Variants in GOLGA2 observed in about 807,000 individuals in gnomAD.
GOLGA2 encodes the protein golgin A2.
GOLGA2 carries 49 observed loss-of-function variants against 148.8 expected under a neutral mutation model. The ratio of observed to expected loss-of-function variants is 0.33; its 90% CI spans 0.26 to 0.42. GOLGA2 has a LOEUF of 0.42. GOLGA2 is among the 10% of genes least tolerant of loss of function. The pLI, the probability that GOLGA2 is intolerant of heterozygous loss-of-function variation, is 1.00. For synonymous variants in GOLGA2, 501 were observed against 511.8 expected, an observed-to-expected ratio of 0.98 and a Z score of 0.28; for missense variants, 1,178 against 1,304.6, an observed-to-expected ratio of 0.90 and a Z score of 1.49.
chr9:128,274,414 G>GGA (rs1831171700), intron 1 of GOLGA2, among the ~76,000 whole-genome samples: 1 of 152,120 alleles, frequency 6.6e-6, no homozygotes, highest in African/African-American at 2.4e-5. Context: ...AGTCAAGCCT[G>GGA]GAGTCCCAGC....
intron 14 of GOLGA2, 139 bp downstream of exon 14, chr9:128,262,424 G>A: frequency 1.5e-6 from 1 of 676,356 alleles, no homozygotes; most frequent in Non-Finnish European, 2.5e-6. Flanking sequence ...GCACTCTCTA[G>A]AGGATTTTAT....
At chr9:128,265,764 A>C in intron 11 of GOLGA2, 24 bp downstream of exon 11, 1 of 1,611,862 alleles carries the variant, frequency 6.2e-7, no homozygotes, top group South Asian at 1.1e-5. Context: ...AGGTTGAAGG[A>C]TGATGGGGTG....
At chr9:128,275,712 G>T (rs1212302359) in intron 1 of GOLGA2, among the ~76,000 whole-genome samples, 181 bp downstream of exon 1, 1 of 152,190 alleles carries the variant, frequency 6.6e-6, no homozygotes, top group African/African-American at 2.4e-5. Context: ...GACTGGCGAG[G>T]GCGGGGGCTG....
In GOLGA2 at chr9:128,261,363, C is replaced by T. The variant is rs1034369731; in HGVS notation, c.1332+91G>A. The stretch of plus-strand genomic sequence containing the variant: ...GCCACAAAGCCCAGACCCATGACCA[C>T]CTCTGGCTGTGCTCCTCCCATTTCG... On this transcript the variant is annotated intron_variant, in intron 16 of 26. Coordinates refer to ENST00000611957, the MANE Select transcript of GOLGA2 (RefSeq NM_001366244.2). This position sits in a 1 kb window ranked among gnomAD's most constrained non-coding sequence, Gnocchi z 5.7. 9.9e-6 allele frequency: 12 copies of T among 1,214,748 alleles called. No individual in the cohort carries two copies. Among genetic ancestry groups the T allele is most frequent in the East Asian group, 4.6e-5 (2 of 43,048 alleles). The allele number at this position is 1,214,748 out of a possible 1,614,324, so 75.2% of individuals were successfully genotyped here. A position where few individuals can be genotyped will look rare whatever the true frequency, so the allele number is the denominator to read the frequency against.
At chr9:128,269,999 G>C (rs946388864) in intron 3 of GOLGA2, among the ~76,000 whole-genome samples, 1 of 152,124 alleles carries the variant, frequency 6.6e-6, no homozygotes, top group Non-Finnish European at 1.5e-5. Flanking sequence ...TTCAGTTGCT[G>C]GCCAGGCATT....
Position 128,261,492 on chromosome 9 carries a change from C to T in GOLGA2, c.1294G>A (p.Ala432Thr). 1.2e-6 allele frequency: 2 copies of T among 1,610,800 alleles called. No homozygotes were observed. Among genetic ancestry groups the T allele is most frequent in the Non-Finnish European group, 8.5e-7 (1 of 1,176,936 alleles). Reference sequence around the variant, plus strand: ...TGCTGCATCCTCTGCCGCCACATGGCGCTCTCTCCTTTGAGATTCTCCGCA... The same window carrying T: ...TGCTGCATCCTCTGCCGCCACATGGTGCTCTCTCCTTTGAGATTCTCCGCA... ...KYAENLKGESAMWRQRMQQMS... is the reference protein window; with the variant it reads ...KYAENLKGESTMWRQRMQQMS... The change falls in exon 16 of 27, where the codon GCC becomes ACC. Residue 432 changes from alanine (A) to threonine (T), a missense_variant. Ala to Thr is a moderately conservative substitution (Grantham distance 58). Around this residue, in one of 5 missense-constraint regions of GOLGA2, gnomAD observed 304 missense variants for 404.1 expected, o/e 0.75. Transcript: ENST00000611957. This position sits in a 1 kb window ranked among gnomAD's most constrained non-coding sequence, Gnocchi z 5.7.
At chr9:128,270,799 A>G (rs754407521) in intron 3 of GOLGA2, among the ~76,000 whole-genome samples, 1 of 152,216 alleles carries the variant, frequency 6.6e-6, no homozygotes, top group African/African-American at 2.4e-5. Flanking sequence ...TAATCTCAGC[A>G]CTTTGGGAGG....
chr9:128,261,329 G>T lies in GOLGA2; in HGVS notation c.1333-70C>A. 3 of 1,323,548 alleles carry T rather than the reference G, an allele frequency of 2.3e-6. No homozygotes were observed. The highest frequency in any genetic ancestry group is 1.5e-5 in the African/African-American group (1 of 68,636). The allele number at this position is 1,323,548 out of a possible 1,614,324, so 82.0% of individuals were successfully genotyped here. Reference sequence around the variant, plus strand: ...GCTGGACAGGCTACCATCTCCCTCTGCCCCCACCGCCACAAAGCCCAGACC... The same window carrying T: ...GCTGGACAGGCTACCATCTCCCTCTTCCCCCACCGCCACAAAGCCCAGACC... On this transcript the variant is annotated intron_variant, in intron 16 of 26. Coordinates refer to ENST00000611957, the MANE Select transcript of GOLGA2 (RefSeq NM_001366244.2). The surrounding 1 kb of genome is among the most constrained non-coding windows in gnomAD (Gnocchi z 5.7).
chr9:128,260,010 C>A lies in GOLGA2; in HGVS notation c.1872+66G>T. On this transcript the variant is annotated intron_variant, in intron 19 of 26. Coordinates refer to ENST00000611957, the MANE Select transcript of GOLGA2 (RefSeq NM_001366244.2). The surrounding 1 kb of genome is among the most constrained non-coding windows in gnomAD (Gnocchi z 4.8). ...GCCCCAGGCTGGAGCTGCCTCTGGC[C>A]TCACACCACCCCTCCCCAGAGGCTG... 1.7e-6 allele frequency: 2 copies of A among 1,166,284 alleles called. No individual in the cohort carries two copies. Among genetic ancestry groups the A allele is most frequent in the Non-Finnish European group, 2.6e-6 (2 of 784,246 alleles). 72.2% of individuals were successfully genotyped at this position (1,166,284 alleles called of 1,614,324 possible). A position where few individuals can be genotyped will look rare whatever the true frequency, so the allele number is the denominator to read the frequency against.
chr9:128,273,462 G>C (rs1461538768), intron 2 of GOLGA2, among the ~76,000 whole-genome samples: 1 of 152,148 alleles, frequency 6.6e-6, no homozygotes, highest in Non-Finnish European at 1.5e-5. Flanking sequence ...ACTCCTAAAG[G>C]GATAGCCTGA....
chr9:128,272,981 A>T (rs1831054208), intron 2 of GOLGA2, 116 bp from the exon 3 acceptor site: 1 of 380,242 alleles, frequency 2.6e-6, no homozygotes, highest in South Asian at 2.0e-5. Context: ...ATGAAATAAG[A>T]AGAGTGGAGG....
intron 2 of GOLGA2, 81 bp downstream of exon 2, chr9:128,273,769 A>C: frequency 1.3e-6 from 2 of 1,522,220 alleles, no homozygotes; most frequent in Non-Finnish European, 1.8e-6. Flanking sequence ...AGTACCCAAC[A>C]GTTCTTCCAC....
rs767713009 is a variant in GOLGA2 at position 128,268,040 on chromosome 9, T to C, written c.438-43A>G. The C allele has an allele frequency of 2.1e-5, 33 of 1,605,978 alleles. No homozygotes were observed. The South Asian group carries it at 3.4e-4, about 17-fold the overall frequency. On this transcript the variant is annotated intron_variant, in intron 5 of 26. Coordinates refer to ENST00000611957, the MANE Select transcript of GOLGA2 (RefSeq NM_001366244.2). Reference sequence around the variant, plus strand: ...GGGGTCAGGGGTGCAGGTGGCTCAATGGGAAAGAAGGTCATGGGCAGTGGC... The same window carrying C: ...GGGGTCAGGGGTGCAGGTGGCTCAACGGGAAAGAAGGTCATGGGCAGTGGC...
At chr9:128,270,879 C>G (rs1305404768) in intron 3 of GOLGA2, among the ~76,000 whole-genome samples, 1 of 151,560 alleles carries the variant, frequency 6.6e-6, no homozygotes, top group Non-Finnish European at 1.5e-5. Context: ...GACCCCATCT[C>G]TATTAAAAAT....
intron 1 of GOLGA2, chr9:128,275,297 G>A (rs1475452625): frequency 1.8e-5 from 14 of 784,534 alleles, no homozygotes; most frequent in Admixed American, 3.6e-5. Flanking sequence ...TGGGTCCTAA[G>A]ATCAAAGACT....
intron 1 of GOLGA2, among the ~76,000 whole-genome samples, chr9:128,274,534 G>A (rs1437202514): frequency 2.6e-5 from 4 of 152,146 alleles, no homozygotes; most frequent in South Asian, 2.1e-4. Context: ...TTAAAATGTG[G>A]GCCGGAACAT....
chr9:128,257,994 T>C lies in GOLGA2; in HGVS notation c.2494A>G (p.Met832Val), dbSNP rs1829999267. 4 of 1,486,526 alleles carry C rather than the reference T, an allele frequency of 2.7e-6. No individual in the cohort carries two copies. Among genetic ancestry groups the C allele is most frequent in the East Asian group, 2.6e-5 (1 of 37,816 alleles). 92.1% of individuals were successfully genotyped at this position (1,486,526 alleles called of 1,614,324 possible). The change falls in exon 23 of 27, where the codon ATG becomes GTG. Residue 832 changes from methionine to valine, a missense_variant. Met to Val is a conservative substitution (Grantham distance 21, BLOSUM62 1). Around this residue, in one of 5 missense-constraint regions of GOLGA2, gnomAD observed 529 missense variants for 521.8 expected, o/e 1.01. Transcript: ENST00000611957. This position sits in a 1 kb window ranked among gnomAD's most constrained non-coding sequence, Gnocchi z 8.0. ...GACTCATTCACCTGCAGCTTCTCCATGGCCCCCTGCAGGGCCCGGTGGGTC... is the reference window on the plus strand; with the variant it reads ...GACTCATTCACCTGCAGCTTCTCCACGGCCCCCTGCAGGGCCCGGTGGGTC... Reference protein sequence around the residue: ...GETHRALQGAMEKLQSRFMEL... With the variant: ...GETHRALQGAVEKLQSRFMEL...
chr9:128,269,441 C>A (rs1830797204), intron 3 of GOLGA2, among the ~76,000 whole-genome samples: 1 of 152,158 alleles, frequency 6.6e-6, no homozygotes, highest in South Asian at 2.1e-4. Context: ...AGACATCTTC[C>A]CTGTGGCTCT....
chr9:128,258,083 G>A lies in GOLGA2; in HGVS notation c.2405C>T (p.Ala802Val), dbSNP rs185837255. The change falls in exon 23 of 27, where the codon GCC (alanine) becomes GTC (valine). Residue 802 changes from alanine (A) to valine (V), a missense_variant. Ala to Val is a moderately conservative substitution (Grantham distance 64). Around this residue, in one of 5 missense-constraint regions of GOLGA2, gnomAD observed 529 missense variants for 521.8 expected, o/e 1.01. Coordinates refer to ENST00000611957, the MANE Select transcript of GOLGA2 (RefSeq NM_001366244.2). The surrounding 1 kb of genome is among the most constrained non-coding windows in gnomAD (Gnocchi z 6.6). ...CRRLAHLLAS[A>V]QKEPEAAAPA... is the part of the protein sequence containing the mutation. ...GGCTGCTGCCTCAGGCTCCTTCTGGGCCGAGGCCAGCAGGTGAGCCAGGCG... is the reference window on the plus strand; with the variant it reads ...GGCTGCTGCCTCAGGCTCCTTCTGGACCGAGGCCAGCAGGTGAGCCAGGCG... 4 of 1,610,578 alleles carry A rather than the reference G, an allele frequency of 2.5e-6. No individual in the cohort carries two copies. Among genetic ancestry groups the A allele is most frequent in the South Asian group, 1.1e-5 (1 of 91,038 alleles).
Sources: allele counts gnomAD v4.1 joint callset (sites outside exome capture counted in the v4.1 genomes callset), GRCh38; gene constraint gnomAD v4.1.1; regional missense constraint gnomAD v4.1.1; non-coding constraint Gnocchi (gnomAD v3.1); transcripts MANE v1.5; gene names NCBI Gene and HGNC (gene_info 2026-07-23, HGNC 2026-07-21).